Variants in PARD3 observed in about 807,000 individuals in gnomAD.
The protein encoded by PARD3 is par-3 family cell polarity regulator, also known as partitioning defective 3 homolog.
In PARD3, 75 loss-of-function variants were observed where a neutral mutation model predicts 155.4. The observed-to-expected ratio is 0.48, with a 90% confidence interval of 0.40 to 0.58. The LOEUF (loss-of-function observed/expected upper bound fraction) is 0.58. PARD3 is among the 20% of genes least tolerant of loss of function. The pLI is 0.00. For missense variants in PARD3, 1,642 were observed against 1,721.7 expected, an observed-to-expected ratio of 0.95 and a Z score of 0.82; for synonymous variants, 576 against 610.5, an observed-to-expected ratio of 0.94 and a Z score of 0.83.
intron 22 of PARD3, among the ~76,000 whole-genome samples, chr10:34,157,784 G>A (rs187310560): frequency 3.9e-5 from 6 of 152,192 alleles, no homozygotes; most frequent in Admixed American, 1.3e-4. Flanking sequence ...CACATAAAAC[G>A]GTGACATAAA....
chr10:34,312,262 T>C (rs1178023756), intron 20 of PARD3: 7 of 1,601,158 alleles, frequency 4.4e-6, no homozygotes, highest in South Asian at 1.1e-5. Context: ...CCACTAAGAA[T>C]TCATTAAAAG....
At chr10:34,613,717 T>TA (rs895207965) in intron 2 of PARD3, among the ~76,000 whole-genome samples, 6 of 151,900 alleles carry the variant, frequency 3.9e-5, no homozygotes, top group East Asian at 1.9e-4. Context: ...TCCTGTAGAA[T>TA]AAAAAAAAGG....
chr10:34,648,201 T>C (rs962358971), intron 2 of PARD3, among the ~76,000 whole-genome samples: 4 of 152,226 alleles, frequency 2.6e-5, no homozygotes, highest in Admixed American at 6.5e-5. Context: ...TAAAGCCCAG[T>C]TGAACTGCAG....
intron 3 of PARD3, among the ~76,000 whole-genome samples, chr10:34,516,107 G>GGT (rs1205926626): frequency 6.6e-6 from 1 of 152,016 alleles, no homozygotes; most frequent in African/African-American, 2.4e-5. Flanking sequence ...TGGGATTACA[G>GGT]GCAACCGCCA....
At chr10:34,758,444 A>G (rs1373944393) in intron 1 of PARD3, among the ~76,000 whole-genome samples, 1 of 152,196 alleles carries the variant, frequency 6.6e-6, no homozygotes, top group Non-Finnish European at 1.5e-5. Context: ...CCACCACACT[A>G]TGCCTCATAA....
chr10:34,258,232 C>T (rs556227605), intron 22 of PARD3, among the ~76,000 whole-genome samples: 1 of 152,276 alleles, frequency 6.6e-6, no homozygotes, highest in African/African-American at 2.4e-5. Flanking sequence ...AGGTACAAAA[C>T]TCCAGGTACT....
intron 2 of PARD3, among the ~76,000 whole-genome samples, chr10:34,557,024 G>C (rs933320457): frequency 9.9e-5 from 15 of 152,136 alleles, no homozygotes; most frequent in African/African-American, 3.6e-4. Flanking sequence ...GGGGTTATAT[G>C]TTCTTCCTCA....
chr10:34,491,861 C>T (rs1376878533), intron 3 of PARD3, among the ~76,000 whole-genome samples: 1 of 152,138 alleles, frequency 6.6e-6, no homozygotes, highest in East Asian at 1.9e-4. Flanking sequence ...GAATTCAACC[C>T]AGTCGTGGTT....
intron 1 of PARD3, among the ~76,000 whole-genome samples, chr10:34,729,937 T>TC (rs1394487210): frequency 6.6e-6 from 1 of 152,078 alleles, no homozygotes; most frequent in African/African-American, 2.4e-5. Context: ...ACATCCAACA[T>TC]CACCTCCCTC....
At chr10:34,537,021 G>A (rs1403326934) in intron 2 of PARD3, among the ~76,000 whole-genome samples, 1 of 152,156 alleles carries the variant, frequency 6.6e-6, no homozygotes, top group Non-Finnish European at 1.5e-5. Flanking sequence ...TTTCTGTTAA[G>A]ACACAAGGTC....
At position 34,772,717 on chromosome 10, in the gene PARD3, C is replaced by G. The variant is rs1164796333; in HGVS notation, c.120+42159G>C. Among the ~76,000 whole-genome samples, 9 of 150,126 alleles carry G rather than the reference C, an allele frequency of 6.0e-5. No individual in the cohort carries two copies. In the East Asian group the frequency reaches 1.6e-3, roughly 26 times the overall value. ...GCTGAGGCAGGAGAATTGCTTGAAC[C>G]CGGGAGGCAGAGGTTGCAGTGAGCC... is the stretch of plus-strand genomic sequence containing the variant. On this transcript the variant is annotated intron_variant, in intron 1 of 24. Transcript: ENST00000374788.
At chr10:34,115,591 TG>T (rs1946623214) in intron 24 of PARD3, among the ~76,000 whole-genome samples, 1 of 152,202 alleles carries the variant, frequency 6.6e-6, no homozygotes, top group South Asian at 2.1e-4. Context: ...TTTGAGGTGA[TG>T]GATATGTTAG....
chr10:34,204,962 TAG>T (rs2133362981), intron 22 of PARD3, among the ~76,000 whole-genome samples: 1 of 152,322 alleles, frequency 6.6e-6, no homozygotes, highest in Non-Finnish European at 1.5e-5. Context: ...AAGGTAGTTT[TAG>T]ACAGTCAACC....
chr10:34,448,936 T>TGA (rs1311325217), intron 5 of PARD3, among the ~76,000 whole-genome samples: 1 of 150,388 alleles, frequency 6.6e-6, no homozygotes, highest in Non-Finnish European at 1.5e-5. Flanking sequence ...TTTTTTTTTT[T>TGA]GAGAGAGAGT....
intron 1 of PARD3, among the ~76,000 whole-genome samples, chr10:34,708,582 TTA>T (rs1249312029): frequency 6.6e-6 from 1 of 152,242 alleles, no homozygotes; most frequent in African/African-American, 2.4e-5. Flanking sequence ...ATGTGTATCT[TTA>T]TGTTTATAGA....
chr10:34,699,099 T>C lies in PARD3; in HGVS notation c.121-2680A>G, dbSNP rs181119127. Among the ~76,000 whole-genome samples, 6 of 152,258 alleles carry C rather than the reference T, an allele frequency of 3.9e-5. No individual in the cohort carries two copies. In the East Asian group the frequency reaches 1.2e-3, roughly 29 times the overall value. On this transcript the variant is annotated intron_variant, in intron 1 of 24. Transcript: ENST00000374788. The stretch of plus-strand genomic sequence containing the variant: ...GGCTTGTAATCCTCCAACTAACTGA[T>C]CAAGGCTTTTCTAATTTTGAGAGTC...
In PARD3 at chr10:34,382,628, C is replaced by T. The variant is rs576814620; in HGVS notation, c.1311G>A (p.Ser437=). 23 of 1,613,870 alleles carry T rather than the reference C, an allele frequency of 1.4e-5. No homozygotes were observed. Among genetic ancestry groups the T allele is most frequent in the Admixed American group, 6.7e-5 (4 of 59,978 alleles). The change falls in exon 9 of 25, where the codon TCG becomes TCA. Residue 437 remains serine, a synonymous_variant. Transcript: ENST00000374788. ...TCGTACTAAATACATTCTGAGGTGC[C>T]GAGGCTGGAGCGGATGGTGGTTTTC... ...PSGKPPSAPA[S]APQNVFSTTV... is the part of the protein sequence containing the mutation.
At chr10:34,445,048 G>A (rs966276904) in intron 5 of PARD3, among the ~76,000 whole-genome samples, 2 of 151,950 alleles carry the variant, frequency 1.3e-5, no homozygotes, top group Non-Finnish European at 1.5e-5. Flanking sequence ...TCCCAAATTG[G>A]AAAGGCAGAG....
chr10:34,462,893 GAGGAGA>G (rs2077741385), intron 4 of PARD3, among the ~76,000 whole-genome samples: 1 of 133,760 alleles, frequency 7.5e-6, no homozygotes, highest in African/African-American at 2.8e-5. Context: ...AAGGGAAAGG[GAGGAGA>G]AAGGGGGAGA....
Sources: gnomAD v4.1 joint callset for allele counts (sites outside exome capture counted in the v4.1 genomes callset) on GRCh38, gnomAD v4.1.1 for gene constraint, MANE v1.5 for transcripts, NCBI Gene and HGNC (gene_info 2026-07-23, HGNC 2026-07-21) for gene names.